Variants in FGD4 observed in about 807,000 individuals in gnomAD.
FGD4 encodes FYVE, RhoGEF and PH domain containing 4, also known as FYVE, RhoGEF and PH domain-containing protein 4.
A neutral mutation model predicts 102.0 loss-of-function variants in FGD4; 42 were observed. The ratio of observed to expected loss-of-function variants is 0.41; its 90% confidence interval spans 0.32 to 0.53. The LOEUF is 0.53. Ranked by LOEUF, FGD4 falls within the 20% of genes least tolerant of loss-of-function variation. The probability of loss-of-function intolerance (pLI) is 0.21; values close to 1 mark genes in which losing one functional copy is unlikely to be tolerated. For synonymous variants in FGD4, 380 were observed against 375.7 expected (o/e 1.01, Z -0.13); for missense variants, 902 against 1,078.2 (o/e 0.84, Z 2.29).
At chr12:32,400,055 C>T in intron 1 of FGD4, 96 bp downstream of exon 1, 1 of 1,385,346 alleles carries the variant, frequency 7.2e-7, no homozygotes, top group Non-Finnish European at 9.3e-7. Context: ...TCTCGTCCCC[C>T]GCTGCGGAGG....
intron 12 of FGD4, 72 bp from the exon 13 acceptor site, chr12:32,624,901 TTTG>T: frequency 8.1e-7 from 1 of 1,236,220 alleles, no homozygotes; most frequent in Non-Finnish European, 1.2e-6. Flanking sequence ...ATCATAGATA[TTTG>T]TTTGATAAAG....
At chr12:32,480,938 G>A (rs1264297216) in intron 1 of FGD4, among the ~76,000 whole-genome samples, 1 of 151,266 alleles carries the variant, frequency 6.6e-6, no homozygotes, top group Non-Finnish European at 1.5e-5. Flanking sequence ...CAAGTAGCTG[G>A]GACCATAGGT....
intron 1 of FGD4, among the ~76,000 whole-genome samples, chr12:32,559,652 G>A (rs1402120242): frequency 2.6e-5 from 4 of 152,160 alleles, no homozygotes; most frequent in African/African-American, 9.7e-5. Flanking sequence ...ACGCATTTTG[G>A]CACATTCGTG....
intron 1 of FGD4, among the ~76,000 whole-genome samples, chr12:32,416,559 C>T (rs754363816): frequency 2.0e-5 from 3 of 151,990 alleles, no homozygotes; most frequent in South Asian, 4.2e-4. Context: ...AATTAGTATT[C>T]GGTTTGCAAA....
chr12:32,636,964 C>T (rs1950866133), intron 15 of FGD4, among the ~76,000 whole-genome samples: 3 of 150,474 alleles, frequency 2.0e-5, no homozygotes, highest in Non-Finnish European at 3.0e-5. Context: ...TCTGCCTCCC[C>T]GGTCCAAGCA....
intron 1 of FGD4, among the ~76,000 whole-genome samples, chr12:32,522,930 T>C (rs1426624952): frequency 6.6e-6 from 1 of 152,230 alleles, no homozygotes; most frequent in Non-Finnish European, 1.5e-5. Flanking sequence ...TGAAATAATA[T>C]CCTTTCCCTC....
intron 14 of FGD4, among the ~76,000 whole-genome samples, chr12:32,629,018 T>C (rs1950341451): frequency 6.6e-6 from 1 of 152,174 alleles, no homozygotes; most frequent in South Asian, 2.1e-4. Flanking sequence ...TAAAGAACCA[T>C]GCTTCACCCT....
At chr12:32,401,893 A>G (rs1200048503) in intron 1 of FGD4, among the ~76,000 whole-genome samples, 5 of 140,358 alleles carry the variant, frequency 3.6e-5, no homozygotes, top group Non-Finnish European at 7.7e-5. Context: ...TGCACAGCTA[A>G]TTTTTGTACA....
intron 1 of FGD4, among the ~76,000 whole-genome samples, chr12:32,475,584 A>G (rs1815315112): frequency 6.6e-6 from 1 of 152,222 alleles, no homozygotes; most frequent in South Asian, 2.1e-4. Context: ...GGGAACTTAC[A>G]GTTGAAGTCT....
chr12:32,561,914 T>A (rs1944627140), intron 1 of FGD4, among the ~76,000 whole-genome samples: 1 of 152,216 alleles, frequency 6.6e-6, no homozygotes, highest in Non-Finnish European at 1.5e-5. Flanking sequence ...AATCTTGCCA[T>A]CCTTTCTTTG....
chr12:32,610,948 A>C, intron 9 of FGD4, 114 bp downstream of exon 9: 1 of 1,305,208 alleles, frequency 7.7e-7, no homozygotes, highest in East Asian at 2.3e-5. Flanking sequence ...GCCAAAAAGA[A>C]TGTTTATGAA....
At chr12:32,584,278 G>A (rs1946833966) in intron 4 of FGD4, among the ~76,000 whole-genome samples, 1 of 152,244 alleles carries the variant, frequency 6.6e-6, no homozygotes, top group African/African-American at 2.4e-5. Context: ...TGCTGCGGCA[G>A]TGTGTTCACC....
At chr12:32,515,097 C>G (rs1232379969) in intron 1 of FGD4, among the ~76,000 whole-genome samples, 1 of 152,150 alleles carries the variant, frequency 6.6e-6, no homozygotes, top group African/African-American at 2.4e-5. Flanking sequence ...TTGAACAGAA[C>G]TAAGGCTAAA....
intron 1 of FGD4, among the ~76,000 whole-genome samples, chr12:32,529,384 C>T (rs867870740): frequency 3.9e-5 from 6 of 151,994 alleles, no homozygotes; most frequent in African/African-American, 1.2e-4. Context: ...CTCAGCCTCC[C>T]GAACTGCTGG....
intron 1 of FGD4, among the ~76,000 whole-genome samples, chr12:32,444,109 C>T (rs78001693): frequency 0.038 from 5,747 of 149,604 alleles, 172 homozygotes; most frequent in South Asian, 0.12. Context: ...ACTGCAGTCT[C>T]GACCTCCCAG....
intron 1 of FGD4, among the ~76,000 whole-genome samples, chr12:32,558,774 A>C (rs973719018): frequency 6.6e-6 from 1 of 152,230 alleles, no homozygotes; most frequent in South Asian, 2.1e-4. Context: ...CGAGGGAGCT[A>C]TATCAGTCAA....
chr12:32,580,131 T>C (rs987500997), intron 3 of FGD4, among the ~76,000 whole-genome samples: 1 of 152,172 alleles, frequency 6.6e-6, no homozygotes, highest in Non-Finnish European at 1.5e-5. Context: ...ACATCATAAC[T>C]TGGGGTGAAG....
At chr12:32,486,997 C>T (rs1943925405) in intron 1 of FGD4, among the ~76,000 whole-genome samples, 1 of 152,084 alleles carries the variant, frequency 6.6e-6, no homozygotes, top group Non-Finnish European at 1.5e-5. Context: ...TATACTTCTC[C>T]CTCTGACCCC....
chr12:32,620,520 C>CTTTTTTTTTTTTT (rs1233071153), intron 11 of FGD4, among the ~76,000 whole-genome samples: 24 of 91,126 alleles, frequency 2.6e-4, no homozygotes, highest in East Asian at 6.8e-4. Context: ...TTTTTTCTTT[C>CTTTTTTTTTTTTT]TTTTTTTTTT....
Sources: gnomAD v4.1 joint callset for allele counts (sites outside exome capture counted in the v4.1 genomes callset) on GRCh38, gnomAD v4.1.1 for gene constraint, MANE v1.5 for transcripts, NCBI Gene and HGNC (gene_info 2026-07-23, HGNC 2026-07-21) for gene names.